The following SNTG1 variants were observed in gnomAD, a reference collection of about 807,000 sequenced individuals.
SNTG1 encodes syntrophin gamma 1, also known as gamma-1-syntrophin.
Under a neutral mutation model 74.7 loss-of-function variants are expected in SNTG1, and 39 were observed. That is an observed-to-expected ratio of 0.52 (90% confidence interval 0.40 to 0.68). The LOEUF is 0.68. Ranked by LOEUF, SNTG1 falls within the 30% of genes least tolerant of loss-of-function variation. SNTG1 has a pLI of 0.00. For synonymous variants in SNTG1, 254 were observed against 217.1 expected, an observed-to-expected ratio of 1.17 and a Z score of -1.49; for missense variants, 685 against 609.5, an observed-to-expected ratio of 1.12 and a Z score of -1.30.
At chr8:50,376,756 T>TATATATATATATATATAGAG (rs1381048539) in intron 2 of SNTG1, among the ~76,000 whole-genome samples, 19 of 89,952 alleles carry the variant, frequency 2.1e-4, no homozygotes, top group Admixed American at 3.8e-4. Flanking sequence ...TATATATATA[T>TATATATATATATATATAGAG]AGAGAGAGAG....
At chr8:50,272,844 C>T (rs1011681) in intron 2 of SNTG1, among the ~76,000 whole-genome samples, 70,759 of 150,922 alleles carry the variant, frequency 0.47, 19,150 homozygotes, top group East Asian at 0.83. Flanking sequence ...TTAAGCAATC[C>T]TCCTGCCTCA....
At chr8:50,135,072 G>T (rs779678793) in intron 1 of SNTG1, among the ~76,000 whole-genome samples, 17 of 152,102 alleles carry the variant, frequency 1.1e-4, no homozygotes, top group Non-Finnish European at 1.9e-4. Flanking sequence ...ATCTCTGTGA[G>T]ACTCAGATTC....
intron 2 of SNTG1, among the ~76,000 whole-genome samples, chr8:50,290,935 C>T (rs1461920835): frequency 6.6e-6 from 1 of 151,812 alleles, no homozygotes; most frequent in Non-Finnish European, 1.5e-5. Flanking sequence ...TTTTGGTATT[C>T]TTTATAAAGA....
chr8:50,577,516 C>T (rs2094584031), intron 12 of SNTG1, among the ~76,000 whole-genome samples: 1 of 148,052 alleles, frequency 6.8e-6, no homozygotes, highest in South Asian at 2.1e-4. Context: ...GTGATAATGG[C>T]CTCGTAAAAT....
chr8:50,274,852 C>T (rs2088004162), intron 2 of SNTG1, among the ~76,000 whole-genome samples: 2 of 152,250 alleles, frequency 1.3e-5, no homozygotes, highest in South Asian at 4.2e-4. Flanking sequence ...TGATTGATTA[C>T]ATAATTGATT....
intron 2 of SNTG1, among the ~76,000 whole-genome samples, chr8:50,264,703 G>T (rs144487998): frequency 6.6e-6 from 1 of 151,528 alleles, no homozygotes; most frequent in East Asian, 1.9e-4. Flanking sequence ...AAAATTAATG[G>T]TACCAAAAGT....
chr8:50,017,834 A>T (rs935094566), intron 1 of SNTG1, among the ~76,000 whole-genome samples: 1 of 151,980 alleles, frequency 6.6e-6, no homozygotes, highest in African/African-American at 2.4e-5. Flanking sequence ...TTCAATACCC[A>T]CTTTCAATAA....
chr8:49,982,619 A>AAG, intron 1 of SNTG1, among the ~76,000 whole-genome samples: 2 of 143,622 alleles, frequency 1.4e-5, no homozygotes, highest in South Asian at 4.5e-4. Context: ...AAAAAAAAAA[A>AAG]GTTTGAGCCC....
chr8:49,963,634 G>A (rs145967310), intron 1 of SNTG1, among the ~76,000 whole-genome samples: 2 of 152,236 alleles, frequency 1.3e-5, no homozygotes, highest in Admixed American at 6.5e-5. Context: ...TGTCAGCTGG[G>A]TGGAATTCAG....
chr8:50,076,299 CA>C (rs957244475), intron 1 of SNTG1, among the ~76,000 whole-genome samples: 9 of 150,344 alleles, frequency 6.0e-5, no homozygotes, highest in Admixed American at 3.3e-4. Context: ...GAAACAAAAA[CA>C]AAAAAAAACC....
chr8:50,281,470 T>C (rs919196645), intron 2 of SNTG1, among the ~76,000 whole-genome samples: 2 of 152,232 alleles, frequency 1.3e-5, no homozygotes, highest in African/African-American at 4.8e-5. Context: ...GCGATTTCTC[T>C]GAAGTTTTTA....
chr8:50,183,291 A>G (rs1197849621), intron 2 of SNTG1, among the ~76,000 whole-genome samples: 2 of 152,182 alleles, frequency 1.3e-5, no homozygotes, highest in Admixed American at 6.5e-5. Context: ...ACAGAAGATT[A>G]ATTCCACACC....
chr8:50,727,678 A>G (rs1377235744), intron 17 of SNTG1, among the ~76,000 whole-genome samples: 1 of 151,118 alleles, frequency 6.6e-6, no homozygotes, highest in African/African-American at 2.4e-5. Flanking sequence ...CCCCTCCTCC[A>G]CTCCTCATTC....
At chr8:50,641,892 C>A (rs1445130253) in intron 13 of SNTG1, among the ~76,000 whole-genome samples, 1 of 152,194 alleles carries the variant, frequency 6.6e-6, no homozygotes, top group Non-Finnish European at 1.5e-5. Flanking sequence ...TACACATTCA[C>A]AGTTTCAAGA....
At chr8:50,764,055 GC>G (rs1336752900) in intron 18 of SNTG1, among the ~76,000 whole-genome samples, 1 of 151,412 alleles carries the variant, frequency 6.6e-6, no homozygotes, top group Non-Finnish European at 1.5e-5. Context: ...TTTTACAATG[GC>G]CCCAATAATA....
At chr8:50,602,899 A>ATTTT (rs60612544) in intron 13 of SNTG1, among the ~76,000 whole-genome samples, 31 of 112,700 alleles carry the variant, frequency 2.8e-4, no homozygotes, top group African/African-American at 6.9e-4. Context: ...ACTGTAAGGT[A>ATTTT]TTTTTTTTTT....
chr8:50,538,685 G>A (rs2094325124), intron 11 of SNTG1, among the ~76,000 whole-genome samples: 1 of 151,640 alleles, frequency 6.6e-6, no homozygotes, highest in African/African-American at 2.4e-5. Flanking sequence ...CTCCTAAATG[G>A]GCTTTATTCT....
intron 13 of SNTG1, among the ~76,000 whole-genome samples, chr8:50,647,064 C>G (rs781094796): frequency 6.6e-6 from 1 of 152,066 alleles, no homozygotes; most frequent in Non-Finnish European, 1.5e-5. Flanking sequence ...CAAACATTAA[C>G]TCAAAATGGA....
At chr8:50,779,357 T>C (rs1017935555) in intron 18 of SNTG1, among the ~76,000 whole-genome samples, 3 of 152,220 alleles carry the variant, frequency 2.0e-5, no homozygotes, top group African/African-American at 7.2e-5. Context: ...CTTCCATTTC[T>C]TTGTATCCTC....
Sources: gnomAD v4.1 joint callset for allele counts (sites outside exome capture counted in the v4.1 genomes callset) on GRCh38, gnomAD v4.1.1 for gene constraint, MANE v1.5 for transcripts, NCBI Gene and HGNC (gene_info 2026-07-23, HGNC 2026-07-21) for gene names.